The following DHX35 variants were observed in gnomAD, a reference collection of about 807,000 sequenced individuals.
DHX35 encodes probable ATP-dependent RNA helicase DHX35.
Under a neutral mutation model 99.6 loss-of-function variants are expected in DHX35, and 84 were observed. The ratio of observed to expected loss-of-function variants is 0.84; its 90% CI spans 0.71 to 1.01. The LOEUF (loss-of-function observed/expected upper bound fraction) is 1.01. Ranked by LOEUF, DHX35 falls within the 50% of genes least tolerant of loss-of-function variation. The probability of loss-of-function intolerance (pLI) is 0.00; values close to 1 mark genes in which losing one functional copy is unlikely to be tolerated. For missense variants in DHX35, 852 were observed against 888.5 expected, an observed-to-expected ratio of 0.96 and a Z score of 0.52; for synonymous variants, 331 against 316.2, an observed-to-expected ratio of 1.05 and a Z score of -0.50.
At position 38,983,739 on chromosome 20, in the gene DHX35, T is replaced by G. The variant is rs1464982118; in HGVS notation, c.308T>G (p.Val103Gly). 5.6e-6 allele frequency: 9 copies of G among 1,614,108 alleles called. No homozygotes were observed. The South Asian group carries it at 9.9e-5, about 18-fold the overall frequency. ...GGCTGGACAGCTGAAGGAAGAGTGG[T>G]AGGAGTGACCCAGCCTCGAAGAGTG... ...EAGWTAEGRVVGVTQPRRVAA... is the reference protein window; with the variant it reads ...EAGWTAEGRVGGVTQPRRVAA... The change falls in exon 4 of 22, where the codon GTA (valine) becomes GGA (glycine). Residue 103 changes from valine to glycine, a missense_variant. By Grantham distance (109) the Val-to-Gly change is moderately radical. Coordinates refer to ENST00000252011, the MANE Select transcript of DHX35 (RefSeq NM_021931.4).
chr20:38,976,220 G>A (rs1458583760), intron 3 of DHX35, among the ~76,000 whole-genome samples: 1 of 152,090 alleles, frequency 6.6e-6, no homozygotes, highest in Non-Finnish European at 1.5e-5. Context: ...GGCACAAAGG[G>A]ACATACAAAG....
chr20:39,023,504 A>G (rs2086904281), intron 16 of DHX35, among the ~76,000 whole-genome samples, 186 bp from the exon 17 acceptor site: 1 of 149,956 alleles, frequency 6.7e-6, no homozygotes, highest in African/African-American at 2.4e-5. Context: ...ATACACCACC[A>G]TGCCCTGCTG....
chr20:38,969,202 G>A lies in DHX35; in HGVS notation c.162G>A (p.Leu54=). The change falls in exon 2 of 22, where the codon CTG becomes CTA. Residue 54 remains leucine (L), a synonymous_variant. Coordinates refer to ENST00000252011, the MANE Select transcript of DHX35 (RefSeq NM_021931.4). ...ALSIEQQRQK[L]PVFKLRNHIL... is the part of the protein sequence containing the mutation. ...CCATAGAGCAGCAGAGGCAGAAGCT[G>A]CCGGTATTCAAGGTACGTCAAATAA... The A allele has an allele frequency of 6.2e-7, 1 of 1,608,054 alleles. No individual in the cohort carries two copies. Among genetic ancestry groups the A allele is most frequent in the Non-Finnish European group, 8.5e-7 (1 of 1,176,934 alleles).
intron 13 of DHX35, among the ~76,000 whole-genome samples, chr20:39,012,963 T>C (rs888137711): frequency 1.9e-4 from 29 of 152,212 alleles, no homozygotes; most frequent in African/African-American, 7.0e-4. Flanking sequence ...CAACATTTAA[T>C]GAGCCGTAGA....
chr20:38,999,334 G>T (rs2086480644), intron 8 of DHX35, among the ~76,000 whole-genome samples: 1 of 151,832 alleles, frequency 6.6e-6, no homozygotes, highest in Non-Finnish European at 1.5e-5. Flanking sequence ...TTCCTCTTGG[G>T]CCCCTTCTCT....
At position 39,038,943 on chromosome 20, in the gene DHX35, C is replaced by G. The variant is rs933829447; in HGVS notation, c.*400C>G. 4.0e-5 allele frequency: 10 copies of G among 252,380 alleles called. No individual in the cohort carries two copies. Among genetic ancestry groups the G allele is most frequent in the Non-Finnish European group, 7.7e-5 (10 of 130,228 alleles). 15.6% of individuals were successfully genotyped at this position (252,380 alleles called of 1,614,324 possible). A position where few individuals can be genotyped will look rare whatever the true frequency, so the allele number is the denominator to read the frequency against. ...GGGTTTGCTGGGCTGGCTTTGCTTT[C>G]CCTGCTGGGGCCACAGCTGTGTTAA... On this transcript the variant is annotated 3_prime_UTR_variant, in exon 22 of 22. Transcript: ENST00000252011.
At position 39,021,909 on chromosome 20, in the gene DHX35, G is replaced by A. The variant is rs536923132; in HGVS notation, c.1567G>A (p.Val523Ile). ...AMMQIQNIFV[V>I]PPNQKSHAIR... ...GATGCAGATCCAGAATATCTTTGTGGTCCCCCCAAACCAGAAGTCTCACGC... is the reference window on the plus strand; with the variant it reads ...GATGCAGATCCAGAATATCTTTGTGATCCCCCCAAACCAGAAGTCTCACGC... Residue 523 changes from valine to isoleucine, a missense_variant, in exon 16 of 22, where the codon GTC becomes ATC. Physicochemically the swap from Val to Ile is conservative, Grantham distance 29 (BLOSUM62 3). Transcript: ENST00000252011. 6.2e-7 allele frequency: 1 copy of A among 1,614,078 alleles called. No individual in the cohort carries two copies. The highest frequency in any genetic ancestry group is 1.1e-5 in the South Asian group (1 of 91,078).
intron 18 of DHX35, among the ~76,000 whole-genome samples, chr20:39,026,189 G>A (rs1233390239): frequency 6.6e-6 from 1 of 152,198 alleles, no homozygotes; most frequent in East Asian, 1.9e-4. Context: ...ACAGTGCACT[G>A]AGTGTTCCAT....
At chr20:38,998,314 G>C (rs2086462385) in intron 8 of DHX35, among the ~76,000 whole-genome samples, 1 of 152,288 alleles carries the variant, frequency 6.6e-6, no homozygotes, top group Non-Finnish European at 1.5e-5. Flanking sequence ...TCTCTTTCCA[G>C]ATTCTTAGAG....
At chr20:38,989,265 G>GTTTTTTTT (rs59991063) in intron 5 of DHX35, among the ~76,000 whole-genome samples, 23 of 111,880 alleles carry the variant, frequency 2.1e-4, no homozygotes, top group East Asian at 7.8e-4. Flanking sequence ...ACCCGGCTAA[G>GTTTTTTTT]TTTTTTTTTT....
intron 3 of DHX35, among the ~76,000 whole-genome samples, chr20:38,981,634 G>A (rs1276471886): frequency 1.3e-5 from 2 of 151,994 alleles, no homozygotes; most frequent in Non-Finnish European, 2.9e-5. Flanking sequence ...TTTTATTGGA[G>A]AATGATGTTT....
intron 12 of DHX35, 92 bp from the exon 13 acceptor site, chr20:39,010,188 T>C: frequency 6.3e-7 from 1 of 1,577,870 alleles, no homozygotes; most frequent in South Asian, 1.1e-5. Flanking sequence ...GAGACCCTTG[T>C]TCAAGATAGA....
intron 1 of DHX35, among the ~76,000 whole-genome samples, chr20:38,965,320 A>G (rs779997977): frequency 1.3e-5 from 2 of 152,252 alleles, no homozygotes; most frequent in African/African-American, 4.8e-5. Flanking sequence ...AATTCAAGAT[A>G]TGAAGTAGGT....
intron 1 of DHX35, among the ~76,000 whole-genome samples, chr20:38,964,436 CT>C (rs1193973308): frequency 1.1e-3 from 155 of 144,724 alleles, no homozygotes; most frequent in Middle Eastern, 3.6e-3. Context: ...TGTTTTCTTT[CT>C]TTTTTTTTTT....
At chr20:38,976,346 G>A (rs997878948) in intron 3 of DHX35, among the ~76,000 whole-genome samples, 3 of 150,446 alleles carry the variant, frequency 2.0e-5, no homozygotes, top group Non-Finnish European at 4.4e-5. Context: ...CTGTGTGTGT[G>A]TGTGTGTGTG....
chr20:38,993,867 A>G (rs1474883316), intron 7 of DHX35, among the ~76,000 whole-genome samples: 1 of 152,106 alleles, frequency 6.6e-6, no homozygotes, highest in East Asian at 1.9e-4. Context: ...AAAAACTTTT[A>G]GGTTGGTGCC....
intron 12 of DHX35, among the ~76,000 whole-genome samples, chr20:39,007,022 C>G (rs1006576324): frequency 2.0e-5 from 3 of 152,190 alleles, no homozygotes; most frequent in Admixed American, 6.5e-5. Flanking sequence ...GACATTTTCC[C>G]CAGTTGTCCA....
chr20:39,010,467 A>G (rs553719224), intron 13 of DHX35, 63 bp downstream of exon 13: 14 of 1,597,652 alleles, frequency 8.8e-6, no homozygotes, highest in Non-Finnish European at 1.2e-5. Flanking sequence ...GGATGTCAGG[A>G]CATTGTCGTA....
intron 16 of DHX35, among the ~76,000 whole-genome samples, chr20:39,023,325 C>G (rs2145933194): frequency 6.6e-6 from 1 of 152,318 alleles, no homozygotes; most frequent in East Asian, 1.9e-4. Flanking sequence ...ACGCTATTCA[C>G]CATGCAATAT....
Sources: gnomAD v4.1 joint callset for allele counts (sites outside exome capture counted in the v4.1 genomes callset) on GRCh38, gnomAD v4.1.1 for gene constraint, MANE v1.5 for transcripts, NCBI Gene and HGNC (gene_info 2026-07-23, HGNC 2026-07-21) for gene names.